LARP1B: variants seen among roughly 807,000 people sequenced by gnomAD.
LARP1B encodes the protein la-related protein 1B.
In LARP1B, 76 loss-of-function variants were observed where a neutral mutation model predicts 114.2. The observed-to-expected ratio is 0.67, with a 90% confidence interval of 0.55 to 0.81. LARP1B has a LOEUF of 0.81. Among genes scored for constraint, LARP1B ranks in the 30% least tolerant of loss-of-function variants. The probability of loss-of-function intolerance (pLI) is 0.00; values close to 1 mark genes in which losing one functional copy is unlikely to be tolerated. For synonymous variants in LARP1B, 345 were observed against 348.0 expected, an observed-to-expected ratio of 0.99 and a Z score of 0.10; for missense variants, 1,014 against 1,075.8, an observed-to-expected ratio of 0.94 and a Z score of 0.80.
intron 15 of LARP1B, among the ~76,000 whole-genome samples, chr4:128,197,461 C>T (rs939016602): frequency 4.6e-5 from 7 of 152,048 alleles, no homozygotes; most frequent in Non-Finnish European, 1.0e-4. Context: ...TTTGGGAGGC[C>T]GAGGCGGGCA....
At chr4:128,106,862 A>G (rs971095409) in intron 8 of LARP1B, among the ~76,000 whole-genome samples, 29 of 152,292 alleles carry the variant, frequency 1.9e-4, no homozygotes, top group African/African-American at 6.5e-4. Flanking sequence ...GTAAAAGTCA[A>G]TTTGCTTCTA....
chr4:128,134,847 G>A (rs1792763832), intron 11 of LARP1B, among the ~76,000 whole-genome samples: 1 of 152,222 alleles, frequency 6.6e-6, no homozygotes. Flanking sequence ...GCTCATGCCT[G>A]TAATCCCAGC....
At chr4:128,104,316 A>G (rs1315737058) in intron 8 of LARP1B, among the ~76,000 whole-genome samples, 1 of 152,156 alleles carries the variant, frequency 6.6e-6, no homozygotes, top group Middle Eastern at 3.2e-3. Flanking sequence ...TGACTTTTAT[A>G]TCTGATTTTA....
intron 11 of LARP1B, 93 bp downstream of exon 11, chr4:128,122,281 G>T (rs1246490088): frequency 1.3e-6 from 2 of 1,535,988 alleles, no homozygotes; most frequent in African/African-American, 2.8e-5. Flanking sequence ...TCTATTTTAT[G>T]AAATGTTGAA....
At chr4:128,084,690 C>T (rs986949745) in intron 5 of LARP1B, among the ~76,000 whole-genome samples, 4 of 151,870 alleles carry the variant, frequency 2.6e-5, no homozygotes, top group Admixed American at 6.6e-5. Flanking sequence ...TTCTTCTTAG[C>T]GAATCACATG....
chr4:128,062,333 C>T (rs979959867), intron 1 of LARP1B: 8 of 916,614 alleles, frequency 8.7e-6, no homozygotes, highest in African/African-American at 3.6e-5. Flanking sequence ...GGCAGGCCTC[C>T]CCTCCCTGTC....
intron 11 of LARP1B, chr4:128,123,267 G>A: frequency 2.0e-6 from 2 of 985,422 alleles, no homozygotes; most frequent in Non-Finnish European, 2.4e-6. Flanking sequence ...AGCCTTAGCA[G>A]TTCTCTGCCT....
intron 12 of LARP1B, among the ~76,000 whole-genome samples, chr4:128,169,322 A>G (rs1742512206): frequency 6.6e-6 from 1 of 151,400 alleles, no homozygotes; most frequent in Admixed American, 6.6e-5. Flanking sequence ...CATTTATTTG[A>G]CACCATTTTT....
chr4:128,070,156 A>C (rs1000109381), intron 1 of LARP1B, among the ~76,000 whole-genome samples: 3 of 151,730 alleles, frequency 2.0e-5, no homozygotes, highest in African/African-American at 7.3e-5. Flanking sequence ...GTCTCTACTA[A>C]AAATACAAAA....
intron 3 of LARP1B, among the ~76,000 whole-genome samples, chr4:128,076,929 T>C (rs1052568753): frequency 1.3e-4 from 20 of 152,106 alleles, no homozygotes; most frequent in African/African-American, 3.6e-4. Context: ...GGTTTCGTCA[T>C]GTGCCCAGGC....
downstream of LARP1B, among the ~76,000 whole-genome samples, chr4:128,214,083 C>T (rs561180103): frequency 2.1e-3 from 311 of 145,792 alleles, 1 homozygote; most frequent in African/African-American, 6.5e-3. Context: ...CCGAATATTG[C>T]GCTTTTCAGA....
chr4:128,176,113 T>A (rs1256842474), intron 12 of LARP1B, among the ~76,000 whole-genome samples: 1 of 144,622 alleles, frequency 6.9e-6, no homozygotes, highest in Non-Finnish European at 1.5e-5. Flanking sequence ...TATACACACA[T>A]ATATATACAC....
intron 1 of LARP1B, among the ~76,000 whole-genome samples, chr4:128,073,572 G>GTTCTTTTTTTTTTTTTT (rs1766391235): frequency 2.5e-5 from 1 of 39,996 alleles, no homozygotes; most frequent in Non-Finnish European, 5.0e-5. Context: ...TATTGTTGTC[G>GTTCTTTTTTTTTTTTTT]TTTTTTTTTT....
intron 15 of LARP1B, among the ~76,000 whole-genome samples, chr4:128,191,092 C>T (rs1209857927): frequency 4.1e-5 from 6 of 148,096 alleles, no homozygotes; most frequent in African/African-American, 7.4e-5. Context: ...TTTCAGAAAA[C>T]GTATTTCTGA....
exon 8 of LARP1B, chr4:128,222,483 T>G (rs1760098832): frequency 2.5e-6 from 1 of 402,384 alleles, no homozygotes; most frequent in Non-Finnish European, 5.1e-6. Flanking sequence ...CAATGCCACT[T>G]CCAAGTTTGA....
rs199707342 is a variant in LARP1B, at chr4:128,065,253, ATTTCTTTCTTTCTTTCTTTC to A, written c.-78+3898_-78+3917del. ...ACTCTGCACTGTTCTCCCACAATTA[ATTTCTTTCTTTCTTTCTTTC>A]TTTCTTTCTTTCTTTCTTTCTTTCT... On this transcript the variant is annotated intron_variant, in intron 1 of 19. Transcript: ENST00000326639. Among the ~76,000 whole-genome samples, 192 of 89,602 alleles carry A rather than the reference ATTTCTTTCTTTCTTTCTTTC, an allele frequency of 2.1e-3. 4 individuals are homozygous for A. Among genetic ancestry groups the A allele is most frequent in the East Asian group, 9.8e-3 (29 of 2,964 alleles). The allele number at this position is 89,602 out of a possible 152,430, so 58.8% of individuals were successfully genotyped here.
chr4:128,184,132 A>G (rs1211235395), intron 15 of LARP1B, among the ~76,000 whole-genome samples: 4 of 152,242 alleles, frequency 2.6e-5, no homozygotes, highest in Non-Finnish European at 4.4e-5. Context: ...TATATAAAGC[A>G]GTGGCAGGGT....
chr4:128,066,766 C>T (rs1383605714), intron 1 of LARP1B, among the ~76,000 whole-genome samples: 6 of 150,600 alleles, frequency 4.0e-5, no homozygotes, highest in Admixed American at 1.3e-4. Flanking sequence ...TGTGAACCAC[C>T]GTGCCTGGCC....
intron 8 of LARP1B, among the ~76,000 whole-genome samples, chr4:128,099,225 A>G (rs1317491095): frequency 6.8e-6 from 1 of 147,918 alleles, no homozygotes; most frequent in Admixed American, 6.7e-5. Flanking sequence ...TTTCTAGCCA[A>G]TTTCTTTCCC....
Sources: allele counts gnomAD v4.1 joint callset (sites outside exome capture counted in the v4.1 genomes callset), GRCh38; gene constraint gnomAD v4.1.1; transcripts MANE v1.5; gene names NCBI Gene and HGNC (gene_info 2026-07-23, HGNC 2026-07-21).